The following CDC42BPA variants were observed in gnomAD, a reference collection of about 807,000 sequenced individuals.
CDC42BPA encodes the protein serine/threonine-protein kinase MRCK alpha.
CDC42BPA carries 80 observed loss-of-function variants against 223.5 expected under a neutral mutation model. That is an observed-to-expected ratio of 0.36 (90% CI 0.30 to 0.43). The LOEUF (loss-of-function observed/expected upper bound fraction) is 0.43. CDC42BPA is among the 20% of genes least tolerant of loss of function. The pLI is 1.00. For synonymous variants in CDC42BPA, 694 were observed against 718.6 expected (o/e 0.97, Z 0.55); for missense variants, 1,743 against 2,099.9 (o/e 0.83, Z 3.32).
At chr1:227,222,624 C>T (rs1558802432) in intron 2 of CDC42BPA, among the ~76,000 whole-genome samples, 1 of 152,200 alleles carries the variant, frequency 6.6e-6, no homozygotes, top group East Asian at 1.9e-4. Flanking sequence ...CACAGAGAGG[C>T]CAAGAAGACT....
At chr1:227,011,163 A>G in intron 34 of CDC42BPA, 1 of 514,928 alleles carries the variant, frequency 1.9e-6, no homozygotes, top group Non-Finnish European at 2.9e-6. Flanking sequence ...ATAGTATCTG[A>G]TATCAGAGCT....
intron 23 of CDC42BPA, among the ~76,000 whole-genome samples, chr1:227,045,119 T>C (rs1051642608): frequency 5.3e-5 from 8 of 152,192 alleles, no homozygotes; most frequent in African/African-American, 1.9e-4. Flanking sequence ...CATGTCTCTC[T>C]TTCCTTGTCC....
intron 21 of CDC42BPA, among the ~76,000 whole-genome samples, chr1:227,062,940 T>C (rs1676234144): frequency 6.6e-6 from 1 of 152,010 alleles, no homozygotes; most frequent in Admixed American, 6.6e-5. Context: ...ATTATCACTA[T>C]ACTAAAAACA....
chr1:227,040,100 A>T (rs756353683), intron 24 of CDC42BPA, 31 bp downstream of exon 24: 14 of 1,212,154 alleles, frequency 1.2e-5, no homozygotes, highest in Non-Finnish European at 1.7e-5. Context: ...TTAGATAGTG[A>T]AGTCACATTT....
chr1:227,001,892 G>C (rs568406630), intron 35 of CDC42BPA, among the ~76,000 whole-genome samples: 1 of 151,150 alleles, frequency 6.6e-6, no homozygotes, highest in Non-Finnish European at 1.5e-5. Context: ...GGCCAACAGA[G>C]TGAGACTCTG....
intron 5 of CDC42BPA, among the ~76,000 whole-genome samples, chr1:227,167,264 T>G (rs1247060283): frequency 6.6e-6 from 1 of 152,218 alleles, no homozygotes; most frequent in Non-Finnish European, 1.5e-5. Flanking sequence ...CTGAAATGTA[T>G]GATCAATTCT....
chr1:227,050,489 C>CA (rs1203285597), intron 22 of CDC42BPA, among the ~76,000 whole-genome samples: 1 of 151,980 alleles, frequency 6.6e-6, no homozygotes, highest in East Asian at 1.9e-4. Context: ...TGTACATTTG[C>CA]AAAAACAGAT....
chr1:227,024,379 C>CA (rs1241899423), intron 31 of CDC42BPA, among the ~76,000 whole-genome samples: 1 of 152,122 alleles, frequency 6.6e-6, no homozygotes, highest in East Asian at 1.9e-4. Context: ...TTGGTTGGTA[C>CA]AATTACTTTG....
chr1:227,069,756 T>C lies in CDC42BPA; in HGVS notation c.2904+21A>G, dbSNP rs1252420127. ...AATTTTAAATTGACCCCAGAGGATA[T>C]GTGACATGTTTAATACTTACTTCAA... On this transcript the variant is annotated intron_variant, in intron 21 of 36. Transcript: ENST00000366766. The C allele has an allele frequency of 3.9e-6, 6 of 1,528,546 alleles. No individual in the cohort carries two copies. The African/African-American group carries it at 4.1e-5, about 10-fold the overall frequency. The allele number at this position is 1,528,546 out of a possible 1,614,324, so 94.7% of individuals were successfully genotyped here.
intron 1 of CDC42BPA, 55 bp downstream of exon 1, chr1:227,316,950 T>C: frequency 7.4e-7 from 1 of 1,352,974 alleles, no homozygotes; most frequent in Non-Finnish European, 1.1e-6. Context: ...CTATACCAAT[T>C]AAATCATAAT....
chr1:227,286,061 C>T (rs928712676), intron 1 of CDC42BPA, among the ~76,000 whole-genome samples: 3 of 152,154 alleles, frequency 2.0e-5, no homozygotes, highest in Non-Finnish European at 2.9e-5. Flanking sequence ...GTCTTAATAT[C>T]GGCACTTACC....
intron 1 of CDC42BPA, among the ~76,000 whole-genome samples, chr1:227,255,605 G>A (rs898874718): frequency 2.0e-5 from 3 of 152,162 alleles, no homozygotes; most frequent in Non-Finnish European, 4.4e-5. Context: ...AATGAGTCAT[G>A]ATCATACCAC....
chr1:227,275,199 A>G (rs535288139), intron 1 of CDC42BPA, among the ~76,000 whole-genome samples: 1 of 145,286 alleles, frequency 6.9e-6, no homozygotes, highest in African/African-American at 2.6e-5. Context: ...TTGGAAATTA[A>G]GACATAACTC....
At chr1:227,131,916 T>C (rs1468274695) in intron 10 of CDC42BPA, among the ~76,000 whole-genome samples, 1 of 152,232 alleles carries the variant, frequency 6.6e-6, no homozygotes, top group Non-Finnish European at 1.5e-5. Context: ...AGTGGTTCTC[T>C]ACTGCAGGTG....
intron 14 of CDC42BPA, 35 bp from the exon 15 acceptor site, chr1:227,101,274 C>A (rs1558499787): frequency 1.6e-6 from 2 of 1,271,322 alleles, no homozygotes; most frequent in Non-Finnish European, 1.1e-6. Context: ...AGTGCATCTA[C>A]AAGAATAATA....
chr1:227,269,640 A>G (rs1236152840), intron 1 of CDC42BPA, among the ~76,000 whole-genome samples: 2 of 152,174 alleles, frequency 1.3e-5, no homozygotes, highest in African/African-American at 4.8e-5. Context: ...AAAAATTAAC[A>G]CATAGAACAT....
intron 12 of CDC42BPA, among the ~76,000 whole-genome samples, chr1:227,119,277 T>C (rs1025232477): frequency 1.3e-5 from 2 of 152,116 alleles, no homozygotes; most frequent in Non-Finnish European, 2.9e-5. Context: ...GGCTTAGCTA[T>C]CAATAAATTT....
chr1:227,233,046 G>A (rs964288633), intron 2 of CDC42BPA, among the ~76,000 whole-genome samples: 2 of 152,190 alleles, frequency 1.3e-5, no homozygotes, highest in Non-Finnish European at 2.9e-5. Flanking sequence ...CATGGGCGTG[G>A]GACCCTCCGA....
intron 34 of CDC42BPA, chr1:227,010,773 A>C (rs916907907): frequency 1.3e-5 from 6 of 462,932 alleles, no homozygotes; most frequent in Non-Finnish European, 1.9e-5. Flanking sequence ...CCAAAGGAAA[A>C]GGTTCACAAG....
Sources: gnomAD v4.1 joint callset for allele counts (sites outside exome capture counted in the v4.1 genomes callset) on GRCh38, gnomAD v4.1.1 for gene constraint, MANE v1.5 for transcripts, NCBI Gene and HGNC (gene_info 2026-07-23, HGNC 2026-07-21) for gene names.